Variants in CNTNAP2 observed in about 807,000 individuals in gnomAD.
The protein encoded by CNTNAP2 is contactin associated protein 2.
In CNTNAP2, 98 loss-of-function variants were observed where a neutral mutation model predicts 155.2. The ratio of observed to expected loss-of-function variants is 0.63; its 90% CI spans 0.54 to 0.75. CNTNAP2 has a LOEUF of 0.75. Ranked by LOEUF, CNTNAP2 falls within the 30% of genes least tolerant of loss-of-function variation. The pLI is 0.00. For missense variants in CNTNAP2, 1,727 were observed against 1,688.1 expected (o/e 1.02, Z -0.40); for synonymous variants, 651 against 631.2 (o/e 1.03, Z -0.47).
In CNTNAP2 at chr7:147,911,753, G is replaced by A. The variant is rs112214747; in HGVS notation, c.2255+8032G>A. Among the ~76,000 whole-genome samples the A allele has an allele frequency of 5.4e-3, 829 of 152,178 alleles. 6 individuals carry two copies. Among genetic ancestry groups the A allele is most frequent in the Non-Finnish European group, 8.3e-3 (564 of 68,004 alleles). ...ATTTCACTTAGTATAATGTCCTTAA[G>A]TTTTGCCTATTTTGTAGCATGTATC... On this transcript the variant is annotated intron_variant, in intron 14 of 23. Transcript: ENST00000361727.
rs776123229 is a variant in CNTNAP2 at position 147,132,441 on chromosome 7, C to G, written c.1280C>G (p.Thr427Ser). The G allele has an allele frequency of 2.5e-6, 4 of 1,613,548 alleles. No individual in the cohort carries two copies. The African/African-American group carries it at 5.3e-5, about 22-fold the overall frequency. ...TTGGGCAATGTGGAGATTGACCTCA[C>G]TGAAAGCAAAGTGGGTGTTCACATC... is the stretch of plus-strand genomic sequence containing the variant. ...DNLGNVEIDL[T>S]ESKVGVHINI... The change falls in exon 8 of 24, where the codon ACT becomes AGT. Residue 427 changes from threonine to serine, a missense_variant. Coordinates refer to ENST00000361727, the MANE Select transcript of CNTNAP2 (RefSeq NM_014141.6).
chr7:148,311,843 C>T (rs1161887907), intron 21 of CNTNAP2, among the ~76,000 whole-genome samples: 2 of 152,022 alleles, frequency 1.3e-5, no homozygotes, highest in Non-Finnish European at 1.5e-5. Flanking sequence ...GAAGGAAATA[C>T]GGGGAAATGG....
chr7:146,275,462 AATG>A, intron 1 of CNTNAP2, among the ~76,000 whole-genome samples: 1 of 152,244 alleles, frequency 6.6e-6, no homozygotes, highest in East Asian at 1.9e-4. Flanking sequence ...TGATATAAAG[AATG>A]ATATGATATA....
At chr7:147,345,421 A>G (rs972122300) in intron 9 of CNTNAP2, among the ~76,000 whole-genome samples, 1 of 152,218 alleles carries the variant, frequency 6.6e-6, no homozygotes, top group African/African-American at 2.4e-5. Flanking sequence ...TATAAAATGA[A>G]TGTCCTTCCA....
intron 1 of CNTNAP2, among the ~76,000 whole-genome samples, chr7:146,388,137 G>C: frequency 6.8e-6 from 1 of 147,760 alleles, no homozygotes; most frequent in Middle Eastern, 3.5e-3. Flanking sequence ...TTTTCTTCTC[G>C]GGAATGCTTT....
chr7:147,839,075 G>T (rs1197472530), intron 13 of CNTNAP2, among the ~76,000 whole-genome samples: 1 of 152,152 alleles, frequency 6.6e-6, no homozygotes, highest in African/African-American at 2.4e-5. Context: ...ATGTTCAAGG[G>T]CAGGAAGTAG....
intron 13 of CNTNAP2, among the ~76,000 whole-genome samples, chr7:147,797,241 C>T (rs1797912027): frequency 6.6e-6 from 1 of 152,132 alleles, no homozygotes; most frequent in Admixed American, 6.5e-5. Context: ...GACACCTGTG[C>T]TTATTCATGA....
Position 146,884,853 on chromosome 7 carries a change from C to T in CNTNAP2, c.402+44949C>T, listed in dbSNP as rs1795625449. Among the ~76,000 whole-genome samples, 4 of 152,126 alleles carry T rather than the reference C, an allele frequency of 2.6e-5. 1 individual carries two copies. In the South Asian group the frequency reaches 8.3e-4, roughly 32 times the overall value. The stretch of plus-strand genomic sequence containing the variant: ...AAAAAGTACAATAATTATTATCATT[C>T]TAAAAACTTGTAGACAAAATTATAA... On this transcript the variant is annotated intron_variant, in intron 3 of 23. Transcript: ENST00000361727.
At chr7:146,902,559 A>G (rs974847858) in intron 3 of CNTNAP2, among the ~76,000 whole-genome samples, 16 of 152,080 alleles carry the variant, frequency 1.1e-4, no homozygotes, top group Admixed American at 8.5e-4. Flanking sequence ...GCAGATGAAA[A>G]TTTTCACAAT....
At chr7:147,013,534 A>ATTTTCTTCCTCCTCATTGCC (rs1798664202) in intron 3 of CNTNAP2, among the ~76,000 whole-genome samples, 1 of 151,866 alleles carries the variant, frequency 6.6e-6, no homozygotes, top group Non-Finnish European at 1.5e-5. Context: ...ATCTAAAATT[A>ATTTTCTTCCTCCTCATTGCC]TTTTCTTCCT....
intron 10 of CNTNAP2, among the ~76,000 whole-genome samples, chr7:147,481,635 C>T (rs999329816): frequency 2.0e-5 from 3 of 152,156 alleles, no homozygotes; most frequent in South Asian, 4.1e-4. Flanking sequence ...GATTCTAAAG[C>T]ATTTTGAAAG....
intron 1 of CNTNAP2, among the ~76,000 whole-genome samples, chr7:146,254,734 G>A (rs1275065474): frequency 6.6e-6 from 1 of 152,082 alleles, no homozygotes; most frequent in African/African-American, 2.4e-5. Flanking sequence ...AGGTAAAAGA[G>A]AGTCTTGCAA....
At chr7:146,750,092 T>A (rs1801877256) in intron 1 of CNTNAP2, among the ~76,000 whole-genome samples, 1 of 152,196 alleles carries the variant, frequency 6.6e-6, no homozygotes, top group Non-Finnish European at 1.5e-5. Context: ...TCTAGTAGCA[T>A]AGAGCAAAGG....
At chr7:147,791,453 CTTTTT>C (rs35344971) in intron 13 of CNTNAP2, among the ~76,000 whole-genome samples, 2 of 123,462 alleles carry the variant, frequency 1.6e-5, no homozygotes, top group Admixed American at 8.3e-5. Flanking sequence ...CTCTCTCTCT[CTTTTT>C]TTTTTTTTTT....
chr7:146,549,802 T>C (rs1236119061), intron 1 of CNTNAP2, among the ~76,000 whole-genome samples: 5 of 152,002 alleles, frequency 3.3e-5, no homozygotes, highest in Middle Eastern at 3.2e-3. Flanking sequence ...AAAACCATCA[T>C]TTGCTGAAAA....
At chr7:147,379,632 CA>C (rs550207939) in intron 9 of CNTNAP2, among the ~76,000 whole-genome samples, 2 of 152,172 alleles carry the variant, frequency 1.3e-5, no homozygotes, top group South Asian at 4.1e-4. Context: ...CAAGAATCAT[CA>C]TTTTTTTTGG....
At chr7:148,293,656 A>C (rs968154029) in intron 21 of CNTNAP2, among the ~76,000 whole-genome samples, 3 of 152,196 alleles carry the variant, frequency 2.0e-5, no homozygotes, top group African/African-American at 7.2e-5. Context: ...TAAAACACCT[A>C]GATTTTGGTA....
chr7:147,353,563 T>G (rs1273023851), intron 9 of CNTNAP2, among the ~76,000 whole-genome samples: 1 of 152,186 alleles, frequency 6.6e-6, no homozygotes, highest in East Asian at 1.9e-4. Context: ...GCATTTGGGT[T>G]GGTTCCAAGT....
At chr7:147,907,262 T>C (rs1190364470) in intron 14 of CNTNAP2, among the ~76,000 whole-genome samples, 1 of 152,054 alleles carries the variant, frequency 6.6e-6, no homozygotes, top group African/African-American at 2.4e-5. Flanking sequence ...TTCACCATGT[T>C]AGCCAGGATA....
Sources: allele counts gnomAD v4.1 joint callset (sites outside exome capture counted in the v4.1 genomes callset), GRCh38; gene constraint gnomAD v4.1.1; transcripts MANE v1.5; gene names NCBI Gene and HGNC (gene_info 2026-07-23, HGNC 2026-07-21).